GSG1L: variants seen among roughly 807,000 people sequenced by gnomAD.
The protein encoded by GSG1L is germ cell-specific gene 1-like protein.
In GSG1L, 24 loss-of-function variants were observed where a neutral mutation model predicts 42.1. That is an observed-to-expected ratio of 0.57 (90% CI 0.41 to 0.80). The LOEUF (loss-of-function observed/expected upper bound fraction) is 0.80, where lower values mean the gene tolerates loss of function less well. Among genes scored for constraint, GSG1L ranks in the 30% least tolerant of loss-of-function variants. The probability of loss-of-function intolerance (pLI) is 0.00; values close to 1 mark genes in which losing one functional copy is unlikely to be tolerated. For synonymous variants in GSG1L, 215 were observed against 203.5 expected (o/e 1.06, Z -0.48); for missense variants, 445 against 472.2 (o/e 0.94, Z 0.53).
chr16:27,911,354 A>G (rs2084389359), intron 2 of GSG1L, among the ~76,000 whole-genome samples: 1 of 151,192 alleles, frequency 6.6e-6, no homozygotes, highest in South Asian at 2.1e-4. Context: ...GCAGTGGCAC[A>G]TTCTCCATTC....
chr16:28,024,131 T>C (rs1466404239), intron 1 of GSG1L, among the ~76,000 whole-genome samples: 1 of 152,200 alleles, frequency 6.6e-6, no homozygotes, highest in African/African-American at 2.4e-5. Flanking sequence ...TACGAGGTTT[T>C]GCTCCTTAAC....
At chr16:27,987,945 C>CAAAAAAAA (rs56395297) in intron 1 of GSG1L, among the ~76,000 whole-genome samples, 1 of 92,836 alleles carries the variant, frequency 1.1e-5, no homozygotes, top group Non-Finnish European at 2.0e-5. Context: ...GACTCCGTCT[C>CAAAAAAAA]AAAAAAAAAA....
chr16:27,946,677 A>G (rs554926590), intron 2 of GSG1L, among the ~76,000 whole-genome samples: 8 of 149,242 alleles, frequency 5.4e-5, no homozygotes, highest in Admixed American at 2.0e-4. Flanking sequence ...AGAAAGAAAG[A>G]AAGAAAGAAA....
intron 6 of GSG1L, among the ~76,000 whole-genome samples, chr16:27,795,838 C>T (rs2082812121): frequency 6.6e-6 from 1 of 152,204 alleles, no homozygotes; most frequent in Non-Finnish European, 1.5e-5. Flanking sequence ...CCAGCCCCAT[C>T]TCCCGCCTCC....
At chr16:28,003,862 A>G (rs1856913090) in intron 1 of GSG1L, among the ~76,000 whole-genome samples, 1 of 152,210 alleles carries the variant, frequency 6.6e-6, no homozygotes, top group South Asian at 2.1e-4. Flanking sequence ...AAGCAGGGGC[A>G]ACAAAGGGAA....
rs2084069803 is a variant in GSG1L at position 27,888,479 on chromosome 16, T to TTTCC, written c.398-3845_398-3842dup. Among the ~76,000 whole-genome samples the TTTCC allele has an allele frequency of 5.2e-4, 23 of 44,430 alleles. 2 individuals are homozygous for TTTCC. Among genetic ancestry groups the TTTCC allele is most frequent in the African/African-American group, 1.3e-3 (17 of 13,506 alleles). 29.1% of individuals were successfully genotyped at this position (44,430 alleles called of 152,430 possible). A position where few individuals can be genotyped will look rare whatever the true frequency, so the allele number is the denominator to read the frequency against. On this transcript the variant is annotated intron_variant, in intron 2 of 6. Coordinates refer to ENST00000447459, the MANE Select transcript of GSG1L (RefSeq NM_001109763.2). The stretch of plus-strand genomic sequence containing the variant: ...TTCTTTCTTTCTCTCTCTCTCTCTC[T>TTTCC]TTCCTTTCTTTCTTTCTTTCTTTCT...
intron 2 of GSG1L, among the ~76,000 whole-genome samples, chr16:27,912,412 G>A (rs62033477): frequency 7.9e-5 from 12 of 152,194 alleles, no homozygotes; most frequent in Non-Finnish European, 1.8e-4. Flanking sequence ...AGCTACTGGG[G>A]AGGATGAGGT....
At chr16:27,946,583 G>GAAAGAAAGAA (rs1567529756) in intron 2 of GSG1L, among the ~76,000 whole-genome samples, 1 of 24,934 alleles carries the variant, frequency 4.0e-5, no homozygotes, top group Non-Finnish European at 7.2e-5. Flanking sequence ...GAAAGAAAGA[G>GAAAGAAAGAA]AGAGAGAGAG....
At chr16:27,800,470 A>G (rs1466054972) in intron 6 of GSG1L, among the ~76,000 whole-genome samples, 2 of 152,228 alleles carry the variant, frequency 1.3e-5, no homozygotes, top group East Asian at 3.9e-4. Flanking sequence ...GCTGCAATCA[A>G]CTGCAAACCT....
chr16:27,829,853 T>C (rs1375158059), intron 4 of GSG1L, among the ~76,000 whole-genome samples: 1 of 152,200 alleles, frequency 6.6e-6, no homozygotes, highest in Non-Finnish European at 1.5e-5. Flanking sequence ...GTCATTATTA[T>C]CATTAATATT....
intron 2 of GSG1L, among the ~76,000 whole-genome samples, chr16:27,900,708 A>G (rs1386109059): frequency 6.6e-6 from 1 of 152,152 alleles, no homozygotes; most frequent in African/African-American, 2.4e-5. Flanking sequence ...ACCCTTTGGC[A>G]TCTGGTGAAG....
intron 1 of GSG1L, among the ~76,000 whole-genome samples, chr16:28,004,333 G>C (rs1338669775): frequency 6.6e-6 from 1 of 152,202 alleles, no homozygotes; most frequent in Admixed American, 6.5e-5. Flanking sequence ...GGGAGGAACA[G>C]TGGCTGGAGG....
rs1233261580 is a variant in GSG1L, at chr16:27,798,861, G to A, written c.899-7394C>T. Among the ~76,000 whole-genome samples the A allele has an allele frequency of 8.5e-5, 13 of 152,164 alleles. 1 individual carries two copies. In the East Asian group the frequency reaches 1.9e-3, roughly 23 times the overall value. Reference sequence around the variant, plus strand: ...TTAGCTTGGAGTCAGACAGGCTTGTGACCCCAAGGTCACAAGCTTGTCCCC... The same window carrying A: ...TTAGCTTGGAGTCAGACAGGCTTGTAACCCCAAGGTCACAAGCTTGTCCCC... On this transcript the variant is annotated intron_variant, in intron 6 of 6. Coordinates refer to ENST00000447459, the MANE Select transcript of GSG1L (RefSeq NM_001109763.2).
intron 1 of GSG1L, among the ~76,000 whole-genome samples, chr16:28,009,588 G>A (rs2085689480): frequency 6.6e-6 from 1 of 152,232 alleles, no homozygotes; most frequent in Non-Finnish European, 1.5e-5. Context: ...ATGAGTAAAT[G>A]CGTGCTGTGT....
At chr16:28,032,751 C>A (rs2141176948) in intron 1 of GSG1L, among the ~76,000 whole-genome samples, 1 of 152,292 alleles carries the variant, frequency 6.6e-6, no homozygotes, top group South Asian at 2.1e-4. Context: ...CAAAATGCCT[C>A]TTCCCCTCTC....
At chr16:28,041,798 A>T (rs937333855) in intron 1 of GSG1L, among the ~76,000 whole-genome samples, 1 of 152,058 alleles carries the variant, frequency 6.6e-6, no homozygotes, top group Admixed American at 6.5e-5. Flanking sequence ...ACGTCACTAG[A>T]CTCTTTGCAA....
chr16:27,926,587 G>A (rs887546807), intron 2 of GSG1L, among the ~76,000 whole-genome samples: 3 of 152,230 alleles, frequency 2.0e-5, no homozygotes, highest in Non-Finnish European at 2.9e-5. Context: ...TACTCTGGGG[G>A]CTGAGGCAGG....
At chr16:27,868,633 A>T (rs551075876) in intron 3 of GSG1L, among the ~76,000 whole-genome samples, 79 of 152,148 alleles carry the variant, frequency 5.2e-4, no homozygotes, top group African/African-American at 1.7e-3. Context: ...CCAACATTTT[A>T]AAAATTTGGA....
chr16:27,802,925 G>C (rs1366275005), intron 6 of GSG1L, among the ~76,000 whole-genome samples: 1 of 151,812 alleles, frequency 6.6e-6, no homozygotes, highest in African/African-American at 2.4e-5. Context: ...AAAGAGCTGG[G>C]ATTAAGGCAT....
Sources: gnomAD v4.1 joint callset for allele counts (sites outside exome capture counted in the v4.1 genomes callset) on GRCh38, gnomAD v4.1.1 for gene constraint, MANE v1.5 for transcripts, NCBI Gene and HGNC (gene_info 2026-07-23, HGNC 2026-07-21) for gene names.